GSE1: variants seen among roughly 807,000 people sequenced by gnomAD.
GSE1 encodes the protein genetic suppressor element 1.
A neutral mutation model predicts 112.6 loss-of-function variants in GSE1; 32 were observed. The observed-to-expected ratio is 0.28, with a 90% CI of 0.21 to 0.38. The LOEUF is 0.38. Among genes scored for constraint, GSE1 ranks in the 10% least tolerant of loss-of-function variants. The pLI is 1.00. For synonymous variants in GSE1, 1,115 were observed against 735.6 expected, an observed-to-expected ratio of 1.52 and a Z score of -8.35; for missense variants, 2,348 against 1,699.2, an observed-to-expected ratio of 1.38 and a Z score of -6.71.
intron 2 of GSE1, among the ~76,000 whole-genome samples, chr16:85,520,556 G>A (rs1364779091): frequency 6.6e-6 from 1 of 151,720 alleles, no homozygotes; most frequent in Non-Finnish European, 1.5e-5. Flanking sequence ...CAGGTAGCTG[G>A]GATTACAGGC....
intron 2 of GSE1, among the ~76,000 whole-genome samples, chr16:85,394,935 G>T (rs1396846602): frequency 6.6e-6 from 1 of 152,190 alleles, no homozygotes; most frequent in Non-Finnish European, 1.5e-5. Flanking sequence ...AATGGGGCAG[G>T]CTAGAGGCAT....
intron 1 of GSE1, among the ~76,000 whole-genome samples, chr16:85,561,443 G>A (rs113214998): frequency 4.6e-5 from 7 of 152,054 alleles, no homozygotes; most frequent in African/African-American, 7.2e-5. Flanking sequence ...GGTTCCTGTC[G>A]TTTCTGGAGG....
At chr16:85,192,125 G>A (rs758399848) in intron 1 of GSE1, among the ~76,000 whole-genome samples, 29 of 152,230 alleles carry the variant, frequency 1.9e-4, no homozygotes, top group African/African-American at 7.0e-4. Flanking sequence ...ACTCAGACAC[G>A]TGCAGGGTGC....
intron 1 of GSE1, among the ~76,000 whole-genome samples, chr16:85,604,873 A>G (rs1208243384): frequency 2.3e-5 from 1 of 44,248 alleles, no homozygotes; most frequent in African/African-American, 9.8e-5. Flanking sequence ...GCTGGAGTGC[A>G]GTGGCGGGAT....
intron 1 of GSE1, among the ~76,000 whole-genome samples, chr16:85,351,006 C>A (rs1036727030): frequency 3.3e-5 from 5 of 152,232 alleles, no homozygotes; most frequent in African/African-American, 9.6e-5. Context: ...TCTCGAACTT[C>A]TGGGCTTAAG....
At chr16:85,196,320 A>C (rs2074926280) in intron 1 of GSE1, among the ~76,000 whole-genome samples, 1 of 152,142 alleles carries the variant, frequency 6.6e-6, no homozygotes, top group African/African-American at 2.4e-5. Flanking sequence ...ACTTTGTTCC[A>C]AGTTCCAACT....
intron 2 of GSE1, among the ~76,000 whole-genome samples, chr16:85,455,047 G>A (rs537465526): frequency 1.1e-4 from 16 of 152,334 alleles, no homozygotes; most frequent in African/African-American, 3.1e-4. Context: ...CGTAAATGGG[G>A]ACACGGGTGC....
At position 85,619,159 on chromosome 16, in the gene GSE1, T is replaced by A. The variant is rs1014499796; in HGVS notation, c.7+5761T>A. Among the ~76,000 whole-genome samples the A allele has an allele frequency of 2.0e-5, 3 of 152,098 alleles. No individual in the cohort carries two copies. In the East Asian group the frequency reaches 5.8e-4, roughly 29 times the overall value. The stretch of plus-strand genomic sequence containing the variant: ...GAGGTTCTTTTTAGGAGCCTCAACG[T>A]CCCCTCGGGCTCACATGCACACCAC... On this transcript the variant is annotated intron_variant, in intron 1 of 15. Coordinates refer to ENST00000253458, the MANE Select transcript of GSE1 (RefSeq NM_014615.5).
intron 3 of GSE1, among the ~76,000 whole-genome samples, chr16:85,653,898 G>A (rs1169802189): frequency 1.3e-5 from 2 of 152,160 alleles, no homozygotes; most frequent in South Asian, 2.1e-4. Flanking sequence ...CTGCTTCCCC[G>A]GGTGTGTGTC....
intron 2 of GSE1, among the ~76,000 whole-genome samples, chr16:85,381,112 C>A (rs1032328820): frequency 2.0e-5 from 3 of 152,198 alleles, no homozygotes; most frequent in Non-Finnish European, 4.4e-5. Context: ...CTCACTCCCC[C>A]ACCTTCCTTT....
chr16:85,631,157 C>T (rs1227036718), intron 1 of GSE1, among the ~76,000 whole-genome samples: 1 of 152,226 alleles, frequency 6.6e-6, no homozygotes, highest in Non-Finnish European at 1.5e-5. Context: ...GGGCTCTGTC[C>T]TGTGCCACTT....
chr16:85,670,741 T>C (rs2053263166), intron 14 of GSE1: 2 of 267,778 alleles, frequency 7.5e-6, no homozygotes, highest in Non-Finnish European at 1.4e-5. Flanking sequence ...TTCTTCCTAA[T>C]CTGTATCAAA....
intron 1 of GSE1, among the ~76,000 whole-genome samples, chr16:85,188,197 G>T (rs1383502480): frequency 2.6e-5 from 4 of 152,170 alleles, no homozygotes; most frequent in Non-Finnish European, 5.9e-5. Flanking sequence ...AGACGGAGGG[G>T]CATTCAGACA....
intron 2 of GSE1, among the ~76,000 whole-genome samples, chr16:85,391,951 C>T (rs1487166487): frequency 6.6e-6 from 1 of 152,132 alleles, no homozygotes; most frequent in African/African-American, 2.4e-5. Context: ...CCAGGAGTCA[C>T]TCCAGCCCAA....
intron 1 of GSE1, among the ~76,000 whole-genome samples, chr16:85,588,089 C>G (rs1459811697): frequency 6.6e-6 from 1 of 152,200 alleles, no homozygotes; most frequent in Admixed American, 6.5e-5. Context: ...CTGCACCCAC[C>G]CCTTTGGTGG....
At chr16:85,426,024 AAAAT>A (rs1415244725) in intron 2 of GSE1, among the ~76,000 whole-genome samples, 1 of 44,406 alleles carries the variant, frequency 2.3e-5, no homozygotes, top group African/African-American at 4.8e-5. Flanking sequence ...GAATGAATGG[AAAAT>A]GGATGGATGG....
intron 1 of GSE1, among the ~76,000 whole-genome samples, chr16:85,583,903 A>T (rs1277040477): frequency 6.6e-6 from 1 of 152,140 alleles, no homozygotes; most frequent in Non-Finnish European, 1.5e-5. Context: ...GGCAGCTTTT[A>T]TGTAAAGACA....
rs571343219 is a variant in GSE1, at chr16:85,222,731, G to A, written c.2283+50924G>A. On this transcript the variant is annotated intron_variant, in intron 1 of 2. Transcript: ENST00000637419. Reference sequence around the variant, plus strand: ...CCGTCTCTGCGTGGACTGCCGGGAGGAGATGTTTCTCATTGAAGATGCCCT... The same window carrying A: ...CCGTCTCTGCGTGGACTGCCGGGAGAAGATGTTTCTCATTGAAGATGCCCT... 3.3e-5 allele frequency among the ~76,000 whole-genome samples: 5 copies of A among 152,286 alleles called. No homozygotes were observed. In the South Asian group the frequency reaches 1.0e-3, roughly 32 times the overall value.
chr16:85,550,828 T>C (rs1485988079), intron 2 of GSE1, among the ~76,000 whole-genome samples: 2 of 152,066 alleles, frequency 1.3e-5, no homozygotes, highest in African/African-American at 4.8e-5. Context: ...TGGTGTTGGG[T>C]GGGGGGCTGC....
Sources: gnomAD v4.1 joint callset for allele counts (sites outside exome capture counted in the v4.1 genomes callset) on GRCh38, gnomAD v4.1.1 for gene constraint, MANE v1.5 for transcripts, NCBI Gene and HGNC (gene_info 2026-07-23, HGNC 2026-07-21) for gene names.